The following ELF1 variants were observed in gnomAD, a reference collection of about 807,000 sequenced individuals.
The protein encoded by ELF1 is ETS-related transcription factor Elf-1.
A neutral mutation model predicts 59.9 loss-of-function variants in ELF1; 24 were observed. The observed-to-expected ratio is 0.40, with a 90% CI of 0.29 to 0.56. ELF1 has a LOEUF of 0.56. ELF1 is among the 20% of genes least tolerant of loss of function. The pLI, the probability that ELF1 is intolerant of heterozygous loss-of-function variation, is 0.44. For synonymous variants in ELF1, 248 were observed against 266.2 expected, an observed-to-expected ratio of 0.93 and a Z score of 0.67; for missense variants, 627 against 742.2, an observed-to-expected ratio of 0.84 and a Z score of 1.80.
rs766060383 is a variant in ELF1 at position 40,933,927 on chromosome 13, G to A, written c.1358C>T (p.Ala453Val). The change falls in exon 9 of 9, where the codon GCC (alanine) becomes GTC (valine). Residue 453 changes from alanine to valine, a missense_variant. Physicochemically the swap from Ala to Val is moderately conservative, Grantham distance 64. Around this residue, in one of 3 missense-constraint regions of ELF1, gnomAD observed 361 missense variants for 396.1 expected, o/e 0.91. Transcript: ENST00000239882. ...AGTACCTGCTGATGGATCTGTGCTG[G>A]CTATAACTGTTGTGAGTGGCACTGT... ...LQTVPLTTVIASTDPSAGTGS... is the reference protein window; with the variant it reads ...LQTVPLTTVIVSTDPSAGTGS... 9 of 1,614,112 alleles carry A rather than the reference G, an allele frequency of 5.6e-6. No individual in the cohort carries two copies. Among genetic ancestry groups the A allele is most frequent in the Non-Finnish European group, 7.6e-6 (9 of 1,180,060 alleles).
chr13:40,965,392 C>T (rs1273627177), intron 2 of ELF1, among the ~76,000 whole-genome samples: 7 of 152,198 alleles, frequency 4.6e-5, no homozygotes, highest in Non-Finnish European at 8.8e-5. Flanking sequence ...GAGGCCGAAG[C>T]GGGTGGATCA....
At chr13:41,023,501 G>C (rs985830491), upstream of ELF1, among the ~76,000 whole-genome samples, 3 of 152,198 alleles carry the variant, frequency 2.0e-5, no homozygotes, top group Admixed American at 6.5e-5. Context: ...TGAGTGTTAT[G>C]AATCTTTCAA....
chr13:41,060,815 T>C (rs1448563612), intron 1 of ELF1: 4 of 227,660 alleles, frequency 1.8e-5, no homozygotes, highest in South Asian at 5.4e-5. Flanking sequence ...TGGGAAGTGC[T>C]ATGAGAAACT....
intron 1 of ELF1, among the ~76,000 whole-genome samples, chr13:41,030,031 T>C (rs1002417669): frequency 6.6e-6 from 1 of 151,938 alleles, no homozygotes; most frequent in Non-Finnish European, 1.5e-5. Context: ...CTAGAGATCA[T>C]AAACTTGGGA....
At chr13:40,970,377 C>T (rs1291295141) in intron 2 of ELF1, among the ~76,000 whole-genome samples, 3 of 152,150 alleles carry the variant, frequency 2.0e-5, no homozygotes, top group Non-Finnish European at 4.4e-5. Context: ...ATACAGGTCT[C>T]CTAGTCACTT....
intron 1 of ELF1, among the ~76,000 whole-genome samples, chr13:41,036,601 T>C (rs1034470336): frequency 6.6e-6 from 1 of 152,220 alleles, no homozygotes; most frequent in African/African-American, 2.4e-5. Flanking sequence ...ATCCCATTAC[T>C]GGGTATATAC....
At chr13:40,974,850 G>A (rs1872803968) in intron 2 of ELF1, among the ~76,000 whole-genome samples, 2 of 152,202 alleles carry the variant, frequency 1.3e-5, no homozygotes, top group South Asian at 2.1e-4. Context: ...CACAGGCAGG[G>A]TTGTTCCTTC....
chr13:40,993,408 T>G (rs953895063), intron 1 of ELF1: 57 of 745,760 alleles, frequency 7.6e-5, no homozygotes, highest in Non-Finnish European at 1.3e-4. Flanking sequence ...GGAGCGGGGC[T>G]GGGCGGCTCT....
chr13:40,980,174 T>C (rs1213804950), intron 2 of ELF1, among the ~76,000 whole-genome samples: 1 of 152,178 alleles, frequency 6.6e-6, no homozygotes, highest in Non-Finnish European at 1.5e-5. Context: ...AAAACATCAT[T>C]AGTGAGAATC....
chr13:41,049,403 T>A (rs1045734517), intron 1 of ELF1, among the ~76,000 whole-genome samples: 1 of 152,168 alleles, frequency 6.6e-6, no homozygotes, highest in Non-Finnish European at 1.5e-5. Flanking sequence ...AAAAAGTACA[T>A]CATTTTTCTT....
intron 5 of ELF1, among the ~76,000 whole-genome samples, chr13:40,949,035 G>C (rs1440320571): frequency 6.6e-6 from 1 of 152,062 alleles, no homozygotes; most frequent in African/African-American, 2.4e-5. Context: ...GCCCAGGCTA[G>C]AGTTCAATGT....
At chr13:40,966,333 T>C (rs1566174545) in intron 2 of ELF1, among the ~76,000 whole-genome samples, 1 of 152,262 alleles carries the variant, frequency 6.6e-6, no homozygotes, top group Non-Finnish European at 1.5e-5. Flanking sequence ...TTCCCCTTTC[T>C]ATTAATTATA....
At chr13:40,969,557 C>A (rs566125379) in intron 2 of ELF1, among the ~76,000 whole-genome samples, 1 of 152,134 alleles carries the variant, frequency 6.6e-6, no homozygotes, top group Non-Finnish European at 1.5e-5. Flanking sequence ...AATAAGTGTT[C>A]ATTAATTATT....
intron 2 of ELF1, among the ~76,000 whole-genome samples, chr13:40,969,007 A>G (rs1263245247): frequency 1.3e-5 from 2 of 152,186 alleles, no homozygotes; most frequent in Non-Finnish European, 2.9e-5. Flanking sequence ...GACATGAGCC[A>G]TTGCGCCCAG....
intron 1 of ELF1, among the ~76,000 whole-genome samples, chr13:41,057,301 C>T (rs975777017): frequency 6.6e-6 from 1 of 151,724 alleles, no homozygotes. Flanking sequence ...GGACTACAGG[C>T]ATGTGGCATC....
At chr13:41,005,191 C>G (rs1874668018) in intron 1 of ELF1, among the ~76,000 whole-genome samples, 1 of 151,968 alleles carries the variant, frequency 6.6e-6, no homozygotes, top group African/African-American at 2.4e-5. Context: ...TTTATGCAAA[C>G]AGAGCCAATA....
intron 1 of ELF1, among the ~76,000 whole-genome samples, chr13:40,990,850 CAAAAA>C (rs56249931): frequency 9.5e-6 from 1 of 105,600 alleles, no homozygotes; most frequent in African/African-American, 3.8e-5. Context: ...GACTCTGTCT[CAAAAA>C]AAAAAAAAAA....
intron 1 of ELF1, among the ~76,000 whole-genome samples, chr13:41,047,439 C>T (rs1323592336): frequency 4.6e-5 from 7 of 152,104 alleles, no homozygotes; most frequent in African/African-American, 1.4e-4. Context: ...ATGATGGTGA[C>T]GTACAGATGG....
At chr13:40,976,305 T>C (rs1486693269) in intron 2 of ELF1, among the ~76,000 whole-genome samples, 6 of 152,230 alleles carry the variant, frequency 3.9e-5, no homozygotes, top group African/African-American at 1.4e-4. Context: ...TGGTACACTC[T>C]ACTGCTCTAG....
Sources: gnomAD v4.1 joint callset for allele counts (sites outside exome capture counted in the v4.1 genomes callset) on GRCh38, gnomAD v4.1.1 for gene constraint, gnomAD v4.1.1 regional missense constraint, MANE v1.5 for transcripts, NCBI Gene and HGNC (gene_info 2026-07-23, HGNC 2026-07-21) for gene names.